Variants in NELFB observed in about 807,000 individuals in gnomAD.
NELFB encodes negative elongation factor B.
Under a neutral mutation model 60.2 loss-of-function variants are expected in NELFB, and 34 were observed. That is an observed-to-expected ratio of 0.56 (90% CI 0.43 to 0.75). The LOEUF is 0.75. Among genes scored for constraint, NELFB ranks in the 30% least tolerant of loss-of-function variants. NELFB has a pLI of 0.00. For missense variants in NELFB, 770 were observed against 831.6 expected (o/e 0.93, Z 0.91); for synonymous variants, 459 against 382.1 (o/e 1.20, Z -2.35).
intron 4 of NELFB, among the ~76,000 whole-genome samples, chr9:137,262,495 T>C (rs1219624500): frequency 6.6e-6 from 1 of 152,246 alleles, no homozygotes; most frequent in African/African-American, 2.4e-5. Context: ...TTTCCTAGAT[T>C]ATGATTGTAG....
At chr9:137,262,240 C>A (rs1028345965) in intron 4 of NELFB, among the ~76,000 whole-genome samples, 1 of 152,160 alleles carries the variant, frequency 6.6e-6, no homozygotes, top group African/African-American at 2.4e-5. Flanking sequence ...TTTCTCTAAA[C>A]TCCCCCGGGG....
intron 4 of NELFB, among the ~76,000 whole-genome samples, chr9:137,258,363 ATCTG>A (rs1218986292): frequency 2.0e-5 from 3 of 150,944 alleles, no homozygotes; most frequent in African/African-American, 4.9e-5. Context: ...GGCTCAAGTA[ATCTG>A]TCTGCACACC....
At chr9:137,270,726 G>T (rs1280232471) in intron 10 of NELFB, among the ~76,000 whole-genome samples, 7 of 152,252 alleles carry the variant, frequency 4.6e-5, no homozygotes, top group Non-Finnish European at 1.5e-5. Flanking sequence ...TTCCAGACCA[G>T]CCTGGCCAAT....
At chr9:137,261,050 G>A (rs1222022827) in intron 4 of NELFB, among the ~76,000 whole-genome samples, 1 of 138,824 alleles carries the variant, frequency 7.2e-6, no homozygotes, top group Non-Finnish European at 1.5e-5. Context: ...AGACTCAGTC[G>A]CAAAAAAAAA....
chr9:137,263,301 C>A, intron 5 of NELFB, 79 bp downstream of exon 5: 1 of 1,363,372 alleles, frequency 7.3e-7, no homozygotes, highest in South Asian at 1.3e-5. Context: ...TCCCACTCCC[C>A]GGCCCTCCCT....
rs997931610 is a variant in NELFB at position 137,269,904 on chromosome 9, G to A, written c.1490-2177G>A. On this transcript the variant is annotated intron_variant, in intron 10 of 12. Transcript: ENST00000343053. The surrounding 1 kb of genome is among the most constrained non-coding windows in gnomAD (Gnocchi z 5.3). The stretch of plus-strand genomic sequence containing the variant: ...TTTCAGTCACATTTGGGGAGAGCAC[G>A]CGTGTTCTTAAGTTTTTAGCGGGTT... Among the ~76,000 whole-genome samples the A allele has an allele frequency of 4.6e-5, 7 of 152,216 alleles. No homozygotes were observed. The highest frequency in any genetic ancestry group is 1.9e-4 in the East Asian group (1 of 5,196).
chr9:137,263,819 T>C (rs185755341), intron 5 of NELFB, among the ~76,000 whole-genome samples: 1 of 152,048 alleles, frequency 6.6e-6, no homozygotes, highest in Non-Finnish European at 1.5e-5. Context: ...CCACCTGGCC[T>C]GTGGCCCTCC....
At position 137,272,803 on chromosome 9, in the gene NELFB, C is replaced by G; in HGVS notation, c.1762C>G (p.Leu588Val). The G allele has an allele frequency of 6.5e-7, 1 of 1,549,620 alleles. No homozygotes were observed. The highest frequency in any genetic ancestry group is 1.2e-5 in the South Asian group (1 of 83,924). ...GCAGAGCGGAGAGGCAGTGAAGGAG[C>G]TTTACTCCCAGCTCGGCGAGAAGCT... The change falls in exon 13 of 13, where the codon CTT becomes GTT. Residue 588 changes from leucine to valine, a missense_variant. By Grantham distance (32) the Leu-to-Val change is conservative (BLOSUM62 1). Coordinates refer to ENST00000343053, the MANE Select transcript of NELFB (RefSeq NM_015456.5).
Position 137,260,807 on chromosome 9 carries a change from T to A in NELFB, c.742-2230T>A, listed in dbSNP as rs1830430115. Among the ~76,000 whole-genome samples the A allele has an allele frequency of 2.0e-5, 3 of 151,672 alleles. No homozygotes were observed. In the South Asian group the frequency reaches 6.4e-4, roughly 32 times the overall value. The stretch of plus-strand genomic sequence containing the variant: ...CGGGTGCGGTGGCTCACGCCTGTAA[T>A]CCCAGCACTTTGGGAGGCAGAGGTG... On this transcript the variant is annotated intron_variant, in intron 4 of 12. Coordinates refer to ENST00000343053, the MANE Select transcript of NELFB (RefSeq NM_015456.5).
At position 137,264,227 on chromosome 9, in the gene NELFB, C is replaced by T. The variant is rs1027869767; in HGVS notation, c.928-18C>T. On this transcript the variant is annotated intron_variant, in intron 5 of 12. Transcript: ENST00000343053. ...CTGGGAGGTTTGGGCTGGTCCCGACCGTGCTTCCTCCTTGCAGTTCACCTG... is the reference window on the plus strand; with the variant it reads ...CTGGGAGGTTTGGGCTGGTCCCGACTGTGCTTCCTCCTTGCAGTTCACCTG... 2.5e-5 allele frequency: 39 copies of T among 1,560,300 alleles called. No individual in the cohort carries two copies. The highest frequency in any genetic ancestry group is 4.1e-5 in the African/African-American group (3 of 73,974).
chr9:137,266,926 G>A lies in NELFB; in HGVS notation c.1240-18G>A. On this transcript the variant is annotated intron_variant, in intron 8 of 12. Transcript: ENST00000343053. The stretch of plus-strand genomic sequence containing the variant: ...AGGGCCCGGGCCCGCGCCCGCTCAT[G>A]GCCTCCCCTCCTCGTAGGAGGTAGA... 6.2e-7 allele frequency: 1 copy of A among 1,612,198 alleles called. No homozygotes were observed. Among genetic ancestry groups the A allele is most frequent in the Non-Finnish European group, 8.5e-7 (1 of 1,179,796 alleles).
chr9:137,255,654 G>C (rs1469673924), intron 1 of NELFB, 43 bp downstream of exon 1: 3 of 1,515,284 alleles, frequency 2.0e-6, no homozygotes, highest in Non-Finnish European at 2.7e-6. Flanking sequence ...TTGGAGGGCC[G>C]GGCCGCCTGC....
chr9:137,255,511 T>A lies in NELFB; in HGVS notation c.146T>A (p.Met49Lys), dbSNP rs1199504224. 1 of 1,534,366 alleles carries A rather than the reference T, an allele frequency of 6.5e-7. No individual in the cohort carries two copies. The highest frequency in any genetic ancestry group is 8.8e-7 in the Non-Finnish European group (1 of 1,141,486). Residue 49 changes from methionine to lysine, a missense_variant, in exon 1 of 13, where the codon ATG (methionine) becomes AAG (lysine). Coordinates refer to ENST00000343053, the MANE Select transcript of NELFB (RefSeq NM_015456.5). ...CGGGCGGTGGCCGGGGCCTCGGCCA[T>A]GTTCGCGGGGCTGCAGGACCTGGGC... is the stretch of plus-strand genomic sequence containing the variant.
At position 137,256,443 on chromosome 9, in the gene NELFB, C is replaced by T; in HGVS notation, c.510+15C>T. 6.2e-7 allele frequency: 1 copy of T among 1,610,442 alleles called. No individual in the cohort carries two copies. Among genetic ancestry groups the T allele is most frequent in the African/African-American group, 1.3e-5 (1 of 74,982 alleles). ...ACCTGCCCAAGGTAGGGCCCTAACCCTAACCCTGATGGCGTGGACCGTCCG... is the reference window on the plus strand; with the variant it reads ...ACCTGCCCAAGGTAGGGCCCTAACCTTAACCCTGATGGCGTGGACCGTCCG... On this transcript the variant is annotated intron_variant, in intron 3 of 12. Transcript: ENST00000343053.
rs375169738 is a variant in NELFB, at chr9:137,267,221, G to C, written c.1383-19G>C. On this transcript the variant is annotated intron_variant, in intron 9 of 12. Coordinates refer to ENST00000343053, the MANE Select transcript of NELFB (RefSeq NM_015456.5). ...GCTGAGGTGGGGCTGAGGTGGGGCT[G>C]ATGGCGCCCCGGGCGCAGGTTTCTG... 4.4e-6 allele frequency: 7 copies of C among 1,608,302 alleles called. No individual in the cohort carries two copies. In the African/African-American group the frequency reaches 9.4e-5, roughly 22 times the overall value.
intron 4 of NELFB, among the ~76,000 whole-genome samples, chr9:137,258,064 T>C (rs1837584870): frequency 6.7e-6 from 1 of 149,446 alleles, no homozygotes. Flanking sequence ...ATCAGCCTTC[T>C]AAAGTGCTGG....
chr9:137,264,519 G>A (rs1342730713), intron 6 of NELFB, among the ~76,000 whole-genome samples, 162 bp downstream of exon 6: 2 of 152,248 alleles, frequency 1.3e-5, no homozygotes, highest in African/African-American at 4.8e-5. Context: ...AGGATGGAGT[G>A]CAGTGGTGCA....
In NELFB at chr9:137,272,810, C is replaced by A. The variant is rs1473329938; in HGVS notation, c.1769C>A (p.Ser590Tyr). 3 of 1,549,830 alleles carry A rather than the reference C, an allele frequency of 1.9e-6. No individual in the cohort carries two copies. The highest frequency in any genetic ancestry group is 3.9e-5 in the Admixed American group (2 of 51,002). Reference sequence around the variant, plus strand: ...GGAGAGGCAGTGAAGGAGCTTTACTCCCAGCTCGGCGAGAAGCTGGAACAG... The same window carrying A: ...GGAGAGGCAGTGAAGGAGCTTTACTACCAGCTCGGCGAGAAGCTGGAACAG... The change falls in exon 13 of 13, where the codon TCC becomes TAC. Residue 590 changes from serine to tyrosine, a missense_variant. Transcript: ENST00000343053.
chr9:137,256,158 C>T, intron 2 of NELFB, 88 bp downstream of exon 2: 1 of 1,465,046 alleles, frequency 6.8e-7, no homozygotes, highest in Non-Finnish European at 9.5e-7. Flanking sequence ...GTCCTTTTGG[C>T]TCCACATCCT....
Sources: allele counts gnomAD v4.1 joint callset (sites outside exome capture counted in the v4.1 genomes callset), GRCh38; gene constraint gnomAD v4.1.1; non-coding constraint Gnocchi (gnomAD v3.1); transcripts MANE v1.5; gene names NCBI Gene and HGNC (gene_info 2026-07-23, HGNC 2026-07-21).